The following ADGRV1 variants were observed in gnomAD, a reference collection of about 807,000 sequenced individuals.
ADGRV1 encodes the protein adhesion G protein-coupled receptor V1, also known as G-protein coupled receptor 98.
Under a neutral mutation model 596.2 loss-of-function variants are expected in ADGRV1, and 359 were observed. The observed-to-expected ratio is 0.60, with a 90% CI of 0.55 to 0.66. The LOEUF (loss-of-function observed/expected upper bound fraction) is 0.66. ADGRV1 is among the 30% of genes least tolerant of loss of function. The probability of loss-of-function intolerance (pLI) is 0.00; values close to 1 mark genes in which losing one functional copy is unlikely to be tolerated. For synonymous variants in ADGRV1, 2,681 were observed against 2,679.2 expected (o/e 1.00, Z -0.02); for missense variants, 7,274 against 7,575.6 (o/e 0.96, Z 1.48).
intron 85 of ADGRV1, among the ~76,000 whole-genome samples, chr5:91,003,085 C>G (rs1781978433): frequency 6.6e-6 from 1 of 152,126 alleles, no homozygotes; most frequent in African/African-American, 2.4e-5. Flanking sequence ...AGTCCCTTTA[C>G]TTCAGCTACT....
chr5:90,858,070 T>A (rs998289323), intron 82 of ADGRV1, among the ~76,000 whole-genome samples: 1 of 152,190 alleles, frequency 6.6e-6, no homozygotes, highest in Admixed American at 6.5e-5. Flanking sequence ...AGCTTACCAC[T>A]TCTCAGCTTA....
intron 58 of ADGRV1, chr5:90,759,794 G>A (rs953096428): frequency 5.9e-6 from 3 of 508,802 alleles, no homozygotes; most frequent in South Asian, 4.0e-5. Context: ...TTGAATTCCC[G>A]TCTCTACTGA....
intron 70 of ADGRV1, among the ~76,000 whole-genome samples, chr5:90,797,432 TTAAA>T (rs897747387): frequency 6.6e-6 from 1 of 151,932 alleles, no homozygotes; most frequent in Non-Finnish European, 1.5e-5. Context: ...GCTAACTATC[TTAAA>T]TATATATGCA....
intron 87 of ADGRV1, among the ~76,000 whole-genome samples, chr5:91,124,826 TGCTC>T (rs1793611912): frequency 6.6e-6 from 1 of 152,346 alleles, no homozygotes; most frequent in Non-Finnish European, 1.5e-5. Context: ...TTTTCTATAA[TGCTC>T]TCTTTTATTT....
chr5:90,639,613 A>T (rs575036063), intron 11 of ADGRV1, among the ~76,000 whole-genome samples: 1 of 152,158 alleles, frequency 6.6e-6, no homozygotes, highest in Non-Finnish European at 1.5e-5. Flanking sequence ...TTCAGAAATT[A>T]TTGGTTCTTT....
chr5:90,580,279 C>T (rs1225269309), intron 1 of ADGRV1, among the ~76,000 whole-genome samples: 2 of 152,136 alleles, frequency 1.3e-5, no homozygotes, highest in Non-Finnish European at 2.9e-5. Flanking sequence ...TTAGTGGTTA[C>T]TTCAGGAGCT....
chr5:91,058,510 G>A (rs933643445), intron 85 of ADGRV1, among the ~76,000 whole-genome samples: 2 of 151,528 alleles, frequency 1.3e-5, no homozygotes, highest in African/African-American at 2.4e-5. Context: ...AGCTTTGTGG[G>A]AGTGGGACAG....
intron 71 of ADGRV1, 66 bp from the exon 72 acceptor site, chr5:90,805,218 C>A: frequency 7.2e-7 from 1 of 1,391,154 alleles, no homozygotes; most frequent in Non-Finnish European, 1.0e-6. Context: ...TTACGTTTAA[C>A]CCATTCCTCA....
chr5:90,949,476 C>T (rs949494570), intron 83 of ADGRV1, among the ~76,000 whole-genome samples: 2 of 152,100 alleles, frequency 1.3e-5, no homozygotes, highest in African/African-American at 4.8e-5. Flanking sequence ...TCATGTAGTA[C>T]ATGTATTCCT....
chr5:91,123,184 G>A (rs1468819228), intron 87 of ADGRV1, among the ~76,000 whole-genome samples: 1 of 136,418 alleles, frequency 7.3e-6, no homozygotes, highest in African/African-American at 2.5e-5. Flanking sequence ...GAGACTGAAT[G>A]AGATAATATA....
chr5:91,163,676 A>G (rs564817288), intron 89 of ADGRV1, 106 bp from the exon 90 acceptor site: 1 of 543,190 alleles, frequency 1.8e-6, no homozygotes, highest in South Asian at 3.1e-5. Flanking sequence ...CTTATTTTTT[A>G]CTAATATAAT....
intron 83 of ADGRV1, among the ~76,000 whole-genome samples, chr5:90,939,428 A>G (rs1775985635): frequency 6.6e-6 from 1 of 152,230 alleles, no homozygotes; most frequent in Admixed American, 6.5e-5. Flanking sequence ...CCAGCGCCTA[A>G]CAGATGGAAC....
At chr5:90,816,135 G>A (rs964573856) in intron 75 of ADGRV1, among the ~76,000 whole-genome samples, 11 of 152,112 alleles carry the variant, frequency 7.2e-5, no homozygotes, top group Non-Finnish European at 1.5e-4. Context: ...ATGCACACAT[G>A]CACATGTGTA....
Position 90,840,922 on chromosome 5 carries a change from C to G in ADGRV1, c.16956C>G (p.Ser5652Arg), listed in dbSNP as rs759410545. ...TCAACAGAGTGCTCCATACCATCAG[C>G]ATGAAAGTGGCCACAGAAAACACAG... ...DILNRVLHTI[S>R]MKVATENTDE... Residue 5652 changes from serine (S) to arginine (R), a missense_variant, in exon 78 of 90, where the codon AGC becomes AGG. Around this residue, in one of 5 missense-constraint regions of ADGRV1, gnomAD observed 1,874 missense variants for 1,970.2 expected, o/e 0.95. Transcript: ENST00000405460. The G allele has an allele frequency of 2.2e-5, 33 of 1,519,050 alleles. No individual in the cohort carries two copies. Among genetic ancestry groups the G allele is most frequent in the Non-Finnish European group, 1.9e-5 (21 of 1,130,742 alleles). The allele number at this position is 1,519,050 out of a possible 1,614,324, so 94.1% of individuals were successfully genotyped here. A position where few individuals can be genotyped will look rare whatever the true frequency, so the allele number is the denominator to read the frequency against.
intron 21 of ADGRV1, among the ~76,000 whole-genome samples, chr5:90,658,677 A>ATT (rs4019486): frequency 0.39 from 58,290 of 148,426 alleles, 11,685 homozygotes; most frequent in Admixed American, 0.5. Flanking sequence ...TGATTTTTTG[A>ATT]TTTTTTTTTT....
intron 85 of ADGRV1, among the ~76,000 whole-genome samples, chr5:91,062,660 G>A (rs1178672267): frequency 6.6e-6 from 1 of 152,072 alleles, no homozygotes. Flanking sequence ...TCACTTTACT[G>A]CTAGCTCTCC....
At chr5:91,152,892 G>A (rs1002047226) in intron 88 of ADGRV1, among the ~76,000 whole-genome samples, 4 of 151,922 alleles carry the variant, frequency 2.6e-5, no homozygotes, top group African/African-American at 9.7e-5. Flanking sequence ...GTCCAGGTGG[G>A]TCTCTAACTC....
intron 26 of ADGRV1, 100 bp downstream of exon 26, chr5:90,679,729 G>A (rs1044670576): frequency 3.0e-6 from 2 of 669,792 alleles, no homozygotes; most frequent in South Asian, 2.3e-5. Context: ...ACTATGTGTA[G>A]GTCCTTTACA....
At position 91,026,091 on chromosome 5, in the gene ADGRV1, A is replaced by G. The variant is rs558912347; in HGVS notation, c.18152+40569A>G. On this transcript the variant is annotated intron_variant, in intron 85 of 89. Coordinates refer to ENST00000405460, the MANE Select transcript of ADGRV1 (RefSeq NM_032119.4). ...CTGAGGTACAAAAAAATTACATACA[A>G]TTAATACAAAGTCCCACAGCCAGCA... 9.9e-5 allele frequency among the ~76,000 whole-genome samples: 15 copies of G among 152,242 alleles called. No homozygotes were observed. In the South Asian group the frequency reaches 3.1e-3, roughly 32 times the overall value.
Sources: allele counts gnomAD v4.1 joint callset (sites outside exome capture counted in the v4.1 genomes callset), GRCh38; gene constraint gnomAD v4.1.1; regional missense constraint gnomAD v4.1.1; transcripts MANE v1.5; gene names NCBI Gene and HGNC (gene_info 2026-07-23, HGNC 2026-07-21).